The following CELF2 variants were observed in gnomAD, a reference collection of about 807,000 sequenced individuals.
CELF2 encodes the protein CUGBP Elav-like family member 2, also known as CUG triplet repeat RNA-binding protein 2.
A neutral mutation model predicts 62.6 loss-of-function variants in CELF2; 8 were observed. The ratio of observed to expected loss-of-function variants is 0.13; its 90% CI spans 0.07 to 0.23. CELF2 has a LOEUF of 0.23. Among genes scored for constraint, CELF2 ranks in the 10% least tolerant of loss-of-function variants. The pLI, the probability that CELF2 is intolerant of heterozygous loss-of-function variation, is 1.00. For missense variants in CELF2, 333 were observed against 671.0 expected (o/e 0.50, Z 5.56); for synonymous variants, 258 against 250.0 (o/e 1.03, Z -0.30).
intron 2 of CELF2, among the ~76,000 whole-genome samples, chr10:11,199,261 G>A (rs1195680334): frequency 6.6e-6 from 1 of 152,164 alleles, no homozygotes; most frequent in Non-Finnish European, 1.5e-5. Context: ...TTTCTGCGAT[G>A]TTATCTTCTA....
the CELF2 span, among the ~76,000 whole-genome samples, chr10:10,630,845 A>G: frequency 3.6e-3 from 545 of 152,360 alleles, 2 homozygotes; most frequent in African/African-American, 0.013. Context: ...GTGAAACATT[A>G]CAGCTAAGAA....
chr10:10,517,819 G>A, the CELF2 span, among the ~76,000 whole-genome samples: 353 of 152,308 alleles, frequency 2.3e-3, 4 homozygotes, highest in Non-Finnish European at 3.1e-3. Flanking sequence ...ATGTGGGAGA[G>A]GTTTGCTCTT....
chr10:10,808,469 A>G (rs1032508186), intron 1 of CELF2, among the ~76,000 whole-genome samples: 1 of 152,190 alleles, frequency 6.6e-6, no homozygotes, highest in African/African-American at 2.4e-5. Flanking sequence ...GAAATCTCAA[A>G]GTCAGTTTGG....
intron 1 of CELF2, among the ~76,000 whole-genome samples, chr10:10,812,948 C>G (rs766295154): frequency 2.2e-4 from 33 of 152,262 alleles, no homozygotes; most frequent in Admixed American, 1.3e-3. Context: ...GATATTGAAC[C>G]AGGATTGCCC....
At chr10:10,998,180 T>A (rs1311829829) in intron 2 of CELF2, among the ~76,000 whole-genome samples, 3 of 152,212 alleles carry the variant, frequency 2.0e-5, no homozygotes, top group Admixed American at 6.5e-5. Flanking sequence ...CTCAGGTATG[T>A]CTTCATTAGC....
At chr10:11,197,024 GAAA>G (rs372325767) in intron 2 of CELF2, among the ~76,000 whole-genome samples, 536 of 4,742 alleles carry the variant, frequency 0.11, 138 homozygotes, top group South Asian at 0.31. Context: ...AAGAAAGAAA[GAAA>G]AGAAAGAAAG....
chr10:11,077,435 T>A (rs988626588), intron 1 of CELF2, among the ~76,000 whole-genome samples: 1 of 152,208 alleles, frequency 6.6e-6, no homozygotes, highest in Non-Finnish European at 1.5e-5. Context: ...GTAAGGCTTT[T>A]ATAACGAGAG....
chr10:10,902,954 G>T (rs1016998962), intron 1 of CELF2, among the ~76,000 whole-genome samples: 16 of 148,044 alleles, frequency 1.1e-4, no homozygotes, highest in Middle Eastern at 3.5e-3. Context: ...AGGGAGGGAG[G>T]GAGGGAAGAT....
chr10:10,600,081 C>T, the CELF2 span, among the ~76,000 whole-genome samples: 2 of 152,094 alleles, frequency 1.3e-5, no homozygotes, highest in African/African-American at 2.4e-5. Flanking sequence ...CACAAATGCA[C>T]CACTATACCA....
the CELF2 span, among the ~76,000 whole-genome samples, chr10:10,497,817 G>A: frequency 6.6e-6 from 1 of 152,232 alleles, no homozygotes; most frequent in Non-Finnish European, 1.5e-5. Flanking sequence ...TTTTACTTCA[G>A]TGAGACAGGA....
chr10:11,021,377 TCAAGTTAGG>T (rs1185721865), intron 1 of CELF2, among the ~76,000 whole-genome samples: 5 of 152,354 alleles, frequency 3.3e-5, no homozygotes, highest in Admixed American at 3.3e-4. Context: ...TTAAGTCCTT[TCAAGTTAGG>T]ATAACTGGCA....
At chr10:10,705,108 C>T in the CELF2 span, among the ~76,000 whole-genome samples, 1 of 151,994 alleles carries the variant, frequency 6.6e-6, no homozygotes, top group Non-Finnish European at 1.5e-5. Flanking sequence ...ATCGCTTGAG[C>T]GTAGATATGT....
upstream of CELF2, among the ~76,000 whole-genome samples, chr10:11,015,554 A>C (rs995684615): frequency 6.6e-6 from 1 of 152,238 alleles, no homozygotes; most frequent in African/African-American, 2.4e-5. The surrounding 1 kb of genome is among the most constrained non-coding windows in gnomAD (Gnocchi z 4.8). Context: ...TCACATCACC[A>C]TATCCCATGT....
At chr10:10,774,361 G>A in the CELF2 span, among the ~76,000 whole-genome samples, 733 of 152,250 alleles carry the variant, frequency 4.8e-3, 4 homozygotes, top group African/African-American at 1.0e-2. Context: ...TTTGGATCTG[G>A]GTTCCCACCC....
the CELF2 span, among the ~76,000 whole-genome samples, chr10:10,562,183 C>T: frequency 3.3e-5 from 5 of 152,102 alleles, no homozygotes; most frequent in Admixed American, 6.5e-5. Context: ...TAAAATAGCA[C>T]GAAAACAACA....
intron 1 of CELF2, among the ~76,000 whole-genome samples, chr10:11,127,730 T>C (rs988399287): frequency 6.6e-6 from 1 of 152,180 alleles, no homozygotes; most frequent in East Asian, 1.9e-4. Context: ...TGCCCACTTT[T>C]TGGTGGGGTT....
At position 11,217,341 on chromosome 10, in the gene CELF2, AGATT is replaced by A; in HGVS notation, c.272-82_272-79del. ...TTTTAAATTGTGCGTCCTTTTAAGT[AGATT>A]GTTTGTTCGCCACAGTCTCCATTAT... On this transcript the variant is annotated intron_variant, in intron 2 of 12. Coordinates refer to ENST00000633077, the MANE Select transcript of CELF2 (RefSeq NM_001326342.2). This position sits in a 1 kb window ranked among gnomAD's most constrained non-coding sequence, Gnocchi z 5.6. 1.2e-6 allele frequency: 1 copy of A among 869,354 alleles called. No homozygotes were observed. The highest frequency in any genetic ancestry group is 1.5e-5 in the South Asian group (1 of 65,360). 53.9% of individuals were successfully genotyped at this position (869,354 alleles called of 1,614,324 possible). A position where few individuals can be genotyped will look rare whatever the true frequency, so the allele number is the denominator to read the frequency against.
intron 1 of CELF2, among the ~76,000 whole-genome samples, chr10:11,146,893 G>A (rs922072423): frequency 1.3e-5 from 2 of 152,224 alleles, no homozygotes; most frequent in Non-Finnish European, 2.9e-5. Flanking sequence ...CAGCCAGCCT[G>A]TAGCCTTGGT....
chr10:11,275,130 G>A lies in CELF2; in HGVS notation c.841+10G>A, dbSNP rs751634426. On this transcript the variant is annotated intron_variant, in intron 8 of 12. Transcript: ENST00000633077. The stretch of plus-strand genomic sequence containing the variant: ...ATTCAACAAATGGCAGGTAAGTCAG[G>A]AAGCACGCCTCTCCTTTTGACCGTG... 5 of 1,613,960 alleles carry A rather than the reference G, an allele frequency of 3.1e-6. No individual in the cohort carries two copies. The Admixed American group carries it at 5.0e-5, about 16-fold the overall frequency.
Sources: allele counts gnomAD v4.1 joint callset (sites outside exome capture counted in the v4.1 genomes callset), GRCh38; gene constraint gnomAD v4.1.1; non-coding constraint Gnocchi (gnomAD v3.1); transcripts MANE v1.5; gene names NCBI Gene and HGNC (gene_info 2026-07-23, HGNC 2026-07-21).